Variants in CHN2 observed in about 807,000 individuals in gnomAD.
CHN2 encodes the protein chimerin 2.
In CHN2, 35 loss-of-function variants were observed where a neutral mutation model predicts 56.3. That is an observed-to-expected ratio of 0.62 (90% CI 0.47 to 0.82). The LOEUF (loss-of-function observed/expected upper bound fraction) is 0.82. Among genes scored for constraint, CHN2 ranks in the 40% least tolerant of loss-of-function variants. CHN2 has a pLI of 0.00. For missense variants in CHN2, 491 were observed against 580.5 expected (o/e 0.85, Z 1.58); for synonymous variants, 210 against 212.8 (o/e 0.99, Z 0.12).
At chr7:29,174,273 A>G (rs1030135015) in intron 2 of CHN2, among the ~76,000 whole-genome samples, 26 of 152,144 alleles carry the variant, frequency 1.7e-4, no homozygotes, top group African/African-American at 5.6e-4. Flanking sequence ...CTGCCTCTGG[A>G]GGGGGGCCAG....
intron 10 of CHN2, 34 bp downstream of exon 10, chr7:29,504,855 T>C: frequency 7.1e-7 from 1 of 1,415,816 alleles, no homozygotes; most frequent in Non-Finnish European, 1.0e-6. Context: ...CCATCTGACA[T>C]CCTAACACCC....
At chr7:29,462,028 T>C (rs1022704042) in intron 6 of CHN2, among the ~76,000 whole-genome samples, 47 of 152,250 alleles carry the variant, frequency 3.1e-4, no homozygotes, top group African/African-American at 1.1e-3. Flanking sequence ...TATTTTAATA[T>C]TGTACTTGGA....
intron 6 of CHN2, chr7:29,445,307 T>C (rs2128126856): frequency 3.4e-6 from 1 of 298,042 alleles, no homozygotes; most frequent in South Asian, 2.8e-5. Context: ...CCCAAACTCA[T>C]GTCTCCTGTT....
At chr7:29,197,864 G>T (rs922665870) in intron 1 of CHN2, 2 of 454,852 alleles carry the variant, frequency 4.4e-6, no homozygotes, top group South Asian at 3.1e-5. Flanking sequence ...AAATTAGAGG[G>T]GTCAGTGGAA....
chr7:29,290,917 G>T (rs1208029724), intron 1 of CHN2, among the ~76,000 whole-genome samples: 1 of 152,178 alleles, frequency 6.6e-6, no homozygotes, highest in Non-Finnish European at 1.5e-5. Flanking sequence ...GGAGAGCCAA[G>T]CAGGCAACTT....
intron 2 of CHN2, among the ~76,000 whole-genome samples, chr7:29,154,485 C>T (rs2128697895): frequency 6.6e-6 from 1 of 152,258 alleles, no homozygotes; most frequent in East Asian, 1.9e-4. Context: ...AGAGATGACA[C>T]TTCTTATACT....
intron 3 of CHN2, among the ~76,000 whole-genome samples, chr7:29,382,582 A>G (rs1196009539): frequency 6.6e-6 from 1 of 152,200 alleles, no homozygotes; most frequent in Non-Finnish European, 1.5e-5. Flanking sequence ...CTCTGTGAAC[A>G]CCGTGAGCAA....
intron 1 of CHN2, among the ~76,000 whole-genome samples, chr7:29,204,061 CTCTCTCTG>C (rs1451864244): frequency 9.2e-5 from 10 of 108,352 alleles, no homozygotes; most frequent in Non-Finnish European, 1.4e-4. Flanking sequence ...ACGTTTTTCT[CTCTCTCTG>C]TGTGTGTGTG....
At chr7:29,446,422 A>T (rs1184473931) in intron 6 of CHN2, among the ~76,000 whole-genome samples, 1 of 152,200 alleles carries the variant, frequency 6.6e-6, no homozygotes, top group Admixed American at 6.5e-5. Flanking sequence ...TCTATATCTC[A>T]AAAGTGTTTC....
chr7:29,408,212 TA>T (rs982352021), intron 6 of CHN2, among the ~76,000 whole-genome samples: 2 of 151,494 alleles, frequency 1.3e-5, no homozygotes, highest in African/African-American at 4.9e-5. Context: ...TAAATTAAAT[TA>T]AAAAATATAT....
chr7:29,477,893 C>G (rs950316407), intron 6 of CHN2, among the ~76,000 whole-genome samples: 2 of 152,232 alleles, frequency 1.3e-5, no homozygotes, highest in African/African-American at 4.8e-5. Flanking sequence ...TTTCTAGCAA[C>G]TTATATTTAT....
chr7:29,248,919 C>G (rs1268230594), intron 1 of CHN2, among the ~76,000 whole-genome samples: 1 of 152,158 alleles, frequency 6.6e-6, no homozygotes, highest in African/African-American at 2.4e-5. Context: ...CTCTCATCAC[C>G]AGGCCTATCT....
At position 29,146,620 on chromosome 7, in the gene CHN2, T is replaced by A. The variant is rs757908730; in HGVS notation, c.37T>A (p.Cys13Ser). ...CCACAGGGCAAAAAGTGCGTCGTCG[T>A]GTCCCAACCTCCTGGTCCCAGAAAC... is the stretch of plus-strand genomic sequence containing the variant. The change falls in exon 1 of 7, where the codon TGT (cysteine) becomes AGT (serine). Residue 13 changes from cysteine to serine, a missense_variant. Cys to Ser is a moderately radical substitution (Grantham distance 112). Coordinates refer to the CHN2 transcript ENST00000439384. 4.5e-6 allele frequency: 7 copies of A among 1,550,428 alleles called. No homozygotes were observed. In the African/African-American group the frequency reaches 6.8e-5, roughly 15 times the overall value.
intron 1 of CHN2, among the ~76,000 whole-genome samples, chr7:29,288,645 T>G (rs1217458359): frequency 6.6e-6 from 1 of 152,170 alleles, no homozygotes; most frequent in Non-Finnish European, 1.5e-5. Flanking sequence ...TCAGCTTTAA[T>G]TAGCAGGGAG....
intron 6 of CHN2, among the ~76,000 whole-genome samples, chr7:29,413,130 A>G (rs79825292): frequency 7.2e-4 from 109 of 152,320 alleles, no homozygotes; most frequent in African/African-American, 2.3e-3. Flanking sequence ...CCTTATACAC[A>G]ATCACTTTGA....
At chr7:29,504,019 T>C (rs1206171154) in intron 9 of CHN2, among the ~76,000 whole-genome samples, 1 of 152,226 alleles carries the variant, frequency 6.6e-6, no homozygotes. Context: ...CCAGAAGCAA[T>C]AACCAAAACT....
At chr7:29,464,224 A>G (rs77324386) in intron 6 of CHN2, among the ~76,000 whole-genome samples, 1,841 of 152,308 alleles carry the variant, frequency 0.012, 31 homozygotes, top group African/African-American at 0.041. Context: ...AATCAACACA[A>G]CAATCCTGAG....
chr7:29,502,441 G>A (rs1211006058), intron 9 of CHN2, among the ~76,000 whole-genome samples: 1 of 152,124 alleles, frequency 6.6e-6, no homozygotes, highest in Non-Finnish European at 1.5e-5. Context: ...TGTCACTTCT[G>A]CTCTCACATG....
At chr7:29,413,828 C>T (rs956068061) in intron 6 of CHN2, among the ~76,000 whole-genome samples, 1 of 152,164 alleles carries the variant, frequency 6.6e-6, no homozygotes, top group African/African-American at 2.4e-5. Flanking sequence ...CTAAACAAAG[C>T]GTTATATTAG....
Sources: allele counts gnomAD v4.1 joint callset (sites outside exome capture counted in the v4.1 genomes callset), GRCh38; gene constraint gnomAD v4.1.1; transcripts MANE v1.5; gene names NCBI Gene and HGNC (gene_info 2026-07-23, HGNC 2026-07-21).